NBEA: variants seen among roughly 807,000 people sequenced by gnomAD.
NBEA encodes lysosomal-trafficking regulator 2.
NBEA carries 44 observed loss-of-function variants against 343.4 expected under a neutral mutation model. The ratio of observed to expected loss-of-function variants is 0.13; its 90% CI spans 0.10 to 0.16. The LOEUF (loss-of-function observed/expected upper bound fraction) is 0.16, where lower values mean the gene tolerates loss of function less well. Ranked by LOEUF, NBEA falls within the 10% of genes least tolerant of loss-of-function variation. The pLI is 1.00. For synonymous variants in NBEA, 1,175 were observed against 1,238.7 expected (o/e 0.95, Z 1.08); for missense variants, 2,555 against 3,631.3 (o/e 0.70, Z 7.62).
intron 41 of NBEA, among the ~76,000 whole-genome samples, chr13:35,533,194 T>C (rs1390965720): frequency 1.3e-5 from 2 of 152,160 alleles, no homozygotes; most frequent in Non-Finnish European, 2.9e-5. Context: ...AGATTAAAAA[T>C]ATAGCATTTT....
chr13:35,045,155 TTTC>T lies in NBEA; in HGVS notation c.627+114_627+116del, dbSNP rs2062802935. On this transcript the variant is annotated intron_variant, in intron 3 of 58. Transcript: ENST00000379939. ...TACTTGAATTTATAATGGAAATTGCTTTCTTCTTAAATGATTTAGTAAATGTTT... is the reference window on the plus strand; with the variant it reads ...TACTTGAATTTATAATGGAAATTGCTTTCTTAAATGATTTAGTAAATGTTT... 22 of 1,234,232 alleles carry T rather than the reference TTTC, an allele frequency of 1.8e-5. No homozygotes were observed. In the South Asian group the frequency reaches 3.0e-4, roughly 17 times the overall value. 76.5% of individuals were successfully genotyped at this position (1,234,232 alleles called of 1,614,324 possible). A position where few individuals can be genotyped will look rare whatever the true frequency, so the allele number is the denominator to read the frequency against.
chr13:35,015,256 A>C (rs1248458448), intron 1 of NBEA, among the ~76,000 whole-genome samples: 1 of 151,918 alleles, frequency 6.6e-6, no homozygotes, highest in Non-Finnish European at 1.5e-5. Flanking sequence ...ACAGGATTTC[A>C]GATAATAAGA....
In NBEA at chr13:35,410,784, A is replaced by G. The variant is rs552521829; in HGVS notation, c.6180-21485A>G. On this transcript the variant is annotated intron_variant, in intron 38 of 58. Coordinates refer to ENST00000379939, the MANE Select transcript of NBEA (RefSeq NM_001385012.1). The stretch of plus-strand genomic sequence containing the variant: ...AACAAAAAGAAGTTACAAGGAGCCA[A>G]ATCAAGACTGCATGATGCACTCCTG... 1.1e-4 allele frequency among the ~76,000 whole-genome samples: 17 copies of G among 152,292 alleles called. No homozygotes were observed. In the South Asian group the frequency reaches 3.5e-3, roughly 32 times the overall value.
At chr13:35,417,236 T>G (rs995313293) in intron 38 of NBEA, among the ~76,000 whole-genome samples, 9 of 152,220 alleles carry the variant, frequency 5.9e-5, no homozygotes, top group Non-Finnish European at 8.8e-5. Flanking sequence ...CTCTATTTCC[T>G]TCAGTTCTGC....
chr13:35,596,682 A>G (rs1430192595), intron 47 of NBEA, among the ~76,000 whole-genome samples: 1 of 152,090 alleles, frequency 6.6e-6, no homozygotes, highest in Non-Finnish European at 1.5e-5. Flanking sequence ...ATGACATTCA[A>G]CTCACTGAAG....
chr13:35,518,567 T>C (rs1253061719), intron 41 of NBEA, among the ~76,000 whole-genome samples: 4 of 152,168 alleles, frequency 2.6e-5, no homozygotes, highest in African/African-American at 9.7e-5. Context: ...TGCCTCAAAC[T>C]AGAGGAGGCA....
chr13:35,311,046 TAA>T (rs1441669389), intron 36 of NBEA, among the ~76,000 whole-genome samples: 1 of 152,126 alleles, frequency 6.6e-6, no homozygotes, highest in African/African-American at 2.4e-5. Flanking sequence ...AGTACAGATC[TAA>T]AATTTAAAAT....
At chr13:35,450,323 AT>A (rs1389773304) in intron 39 of NBEA, among the ~76,000 whole-genome samples, 21 of 151,828 alleles carry the variant, frequency 1.4e-4, no homozygotes, top group South Asian at 2.1e-4. Context: ...AAAAAAAAAA[AT>A]AACAATAAAA....
intron 39 of NBEA, among the ~76,000 whole-genome samples, chr13:35,449,987 G>A (rs995233619): frequency 6.6e-6 from 1 of 152,182 alleles, no homozygotes; most frequent in Non-Finnish European, 1.5e-5. Flanking sequence ...CTCTGTAATG[G>A]TATTGTGATG....
chr13:35,593,290 T>G, intron 46 of NBEA, 38 bp from the exon 47 acceptor site: 1 of 1,609,128 alleles, frequency 6.2e-7, no homozygotes, highest in Admixed American at 1.7e-5. Context: ...CAGCTGTGTT[T>G]AGAGTGGTCA....
chr13:35,462,621 A>T (rs1405211899), intron 40 of NBEA, among the ~76,000 whole-genome samples: 1 of 152,048 alleles, frequency 6.6e-6, no homozygotes, highest in African/African-American at 2.4e-5. Context: ...GACAGTGATG[A>T]ATTTTTTTAA....
chr13:35,017,900 C>T (rs1489544554), intron 1 of NBEA, among the ~76,000 whole-genome samples: 1 of 152,022 alleles, frequency 6.6e-6, no homozygotes, highest in Non-Finnish European at 1.5e-5. Context: ...AGATTTAACC[C>T]TTATATTTGC....
At chr13:35,280,248 T>C (rs2034960592) in intron 34 of NBEA, among the ~76,000 whole-genome samples, 1 of 152,144 alleles carries the variant, frequency 6.6e-6, no homozygotes, top group Non-Finnish European at 1.5e-5. Flanking sequence ...AACTGAAAAA[T>C]ATTCTCACAT....
At chr13:35,399,303 A>G (rs2042891502) in intron 38 of NBEA, among the ~76,000 whole-genome samples, 1 of 152,164 alleles carries the variant, frequency 6.6e-6, no homozygotes, top group African/African-American at 2.4e-5. Context: ...ATAGTGCCAG[A>G]GACTGGGTAA....
chr13:34,980,235 T>C (rs1244687623), intron 1 of NBEA, among the ~76,000 whole-genome samples: 1 of 151,936 alleles, frequency 6.6e-6, no homozygotes, highest in East Asian at 1.9e-4. Flanking sequence ...TTATAATCAA[T>C]TGTCAGTTTC....
At chr13:35,123,685 A>C in intron 17 of NBEA, 111 bp downstream of exon 17, 1 of 496,128 alleles carries the variant, frequency 2.0e-6, no homozygotes, top group Non-Finnish European at 3.3e-6. Flanking sequence ...CTAACAGCGG[A>C]AAATAATAGC....
intron 34 of NBEA, among the ~76,000 whole-genome samples, chr13:35,247,518 A>G (rs2031383787): frequency 6.6e-6 from 1 of 151,988 alleles, no homozygotes; most frequent in South Asian, 2.1e-4. Context: ...AGTTTCAGGT[A>G]AGGTTAGAAT....
intron 34 of NBEA, among the ~76,000 whole-genome samples, chr13:35,278,553 C>T (rs2034810220): frequency 6.6e-6 from 1 of 152,164 alleles, no homozygotes; most frequent in African/African-American, 2.4e-5. Context: ...CAAATACTGC[C>T]TGTTGGTTTA....
At chr13:35,655,793 T>C in intron 55 of NBEA, 44 bp downstream of exon 55, 1 of 1,524,000 alleles carries the variant, frequency 6.6e-7, no homozygotes, top group Non-Finnish European at 8.9e-7. Context: ...TATAGTTTAT[T>C]TAAATATATT....
Sources: gnomAD v4.1 joint callset for allele counts (sites outside exome capture counted in the v4.1 genomes callset) on GRCh38, gnomAD v4.1.1 for gene constraint, MANE v1.5 for transcripts, NCBI Gene and HGNC (gene_info 2026-07-23, HGNC 2026-07-21) for gene names.